Variants in SARDH observed in about 807,000 individuals in gnomAD.
The protein encoded by SARDH is sarcosine dehydrogenase.
In SARDH, 95 loss-of-function variants were observed where a neutral mutation model predicts 109.1. The observed-to-expected ratio is 0.87, with a 90% CI of 0.74 to 1.03. The LOEUF (loss-of-function observed/expected upper bound fraction) is 1.03. Among genes scored for constraint, SARDH ranks in the 50% least tolerant of loss-of-function variants. The probability of loss-of-function intolerance (pLI) is 0.00; values close to 1 mark genes in which losing one functional copy is unlikely to be tolerated. For missense variants in SARDH, 1,267 were observed against 1,287.8 expected (o/e 0.98, Z 0.25); for synonymous variants, 572 against 534.8 (o/e 1.07, Z -0.96).
intron 6 of SARDH, among the ~76,000 whole-genome samples, chr9:133,724,626 T>C (rs528461507): frequency 1.4e-4 from 21 of 152,336 alleles, no homozygotes; most frequent in Non-Finnish European, 2.5e-4. Flanking sequence ...AAATGTTAAA[T>C]AGAGTTACCA....
At position 133,663,945 on chromosome 9, in the gene SARDH, C is replaced by G. The variant is rs775463605; in HGVS notation, c.2701G>C (p.Ala901Pro). 6.2e-7 allele frequency: 1 copy of G among 1,614,048 alleles called. No homozygotes were observed. The highest frequency in any genetic ancestry group is 8.5e-7 in the Non-Finnish European group (1 of 1,180,032). ...ERMGVTYGAQ[A>P]HLKSPFDPNN... is the part of the protein sequence containing the mutation. ...GGGTCGAAGGGCGACTTCAGGTGAG[C>G]CTGGGCACCATAGGTCACCCCCATT... Residue 901 changes from alanine (A) to proline (P), a missense_variant, in exon 21 of 21, where the codon GCT (alanine) becomes CCT (proline). Transcript: ENST00000439388.
rs1034488724 is a variant in SARDH at position 133,693,378 on chromosome 9, G to A, written c.1921+880C>T. On this transcript the variant is annotated intron_variant, in intron 15 of 20. Transcript: ENST00000439388. The surrounding 1 kb of genome is among the most constrained non-coding windows in gnomAD (Gnocchi z 5.6). Reference sequence around the variant, plus strand: ...GGGGCTCGACACTGACCGAGTCCCAGTGAGGAAACAACTACATTTGCCAGC... The same window carrying A: ...GGGGCTCGACACTGACCGAGTCCCAATGAGGAAACAACTACATTTGCCAGC... 6.6e-6 allele frequency among the ~76,000 whole-genome samples: 1 copy of A among 152,162 alleles called. No homozygotes were observed. The highest frequency in any genetic ancestry group is 1.5e-5 in the Non-Finnish European group (1 of 68,028).
chr9:133,685,162 G>A lies in SARDH; in HGVS notation c.2163+31C>T, dbSNP rs201589789. On this transcript the variant is annotated intron_variant, in intron 17 of 20. Coordinates refer to ENST00000439388, the MANE Select transcript of SARDH (RefSeq NM_001134707.2). ...CCCCTCACACCATGCTGCCACCCACGACCCAGAGGACGTGGCCAGCTGGAA... is the reference window on the plus strand; with the variant it reads ...CCCCTCACACCATGCTGCCACCCACAACCCAGAGGACGTGGCCAGCTGGAA... 56 of 1,589,534 alleles carry A rather than the reference G, an allele frequency of 3.5e-5. No homozygotes were observed. The East Asian group carries it at 7.8e-4, about 22-fold the overall frequency.
chr9:133,682,111 G>C lies in SARDH; in HGVS notation c.2163+3082C>G, dbSNP rs1830717821. 2.6e-5 allele frequency among the ~76,000 whole-genome samples: 4 copies of C among 152,302 alleles called. No homozygotes were observed. In the South Asian group the frequency reaches 8.3e-4, roughly 32 times the overall value. On this transcript the variant is annotated intron_variant, in intron 17 of 20. Transcript: ENST00000439388. ...GTGGGCCCAGCTCTACCCTCTCTCA[G>C]ACCAACAGTCAGCATCTACTGGGAG...
intron 13 of SARDH, among the ~76,000 whole-genome samples, chr9:133,701,105 G>A (rs138948128): frequency 1.6e-4 from 25 of 152,374 alleles, no homozygotes; most frequent in South Asian, 4.1e-4. Context: ...CAGCCAGGCT[G>A]TGCAGGGGTG....
chr9:133,732,687 T>C (rs1832731379), intron 2 of SARDH, 86 bp from the exon 3 acceptor site: 1 of 1,431,048 alleles, frequency 7.0e-7, no homozygotes, highest in Non-Finnish European at 9.4e-7. Flanking sequence ...TACCCTGATA[T>C]TCAACCATGG....
At chr9:133,678,552 C>T (rs1160492289) in intron 17 of SARDH, among the ~76,000 whole-genome samples, 1 of 152,236 alleles carries the variant, frequency 6.6e-6, no homozygotes, top group Non-Finnish European at 1.5e-5. Context: ...ATGTTCTCCG[C>T]CTACCTTGTC....
At chr9:133,671,902 G>A (rs1051635878) in intron 17 of SARDH, among the ~76,000 whole-genome samples, 4 of 152,218 alleles carry the variant, frequency 2.6e-5, no homozygotes, top group Non-Finnish European at 5.9e-5. Flanking sequence ...GAGAAGTAGG[G>A]GGTCACCTTT....
chr9:133,729,753 C>A lies in SARDH; in HGVS notation c.915+12G>T. On this transcript the variant is annotated intron_variant, in intron 6 of 20. Transcript: ENST00000439388. ...CCACAGACTGACACAGAACCCGGGG[C>A]TGTCCACCTACCTGAATCCCCTCGA... The A allele has an allele frequency of 1.2e-6, 2 of 1,608,776 alleles. No homozygotes were observed. Among genetic ancestry groups the A allele is most frequent in the Non-Finnish European group, 1.7e-6 (2 of 1,177,308 alleles).
intron 8 of SARDH, among the ~76,000 whole-genome samples, chr9:133,713,786 A>T (rs1258050950): frequency 6.6e-6 from 1 of 152,194 alleles, no homozygotes; most frequent in African/African-American, 2.4e-5. Context: ...GCATTGGGCG[A>T]GTCACTTCGC....
intron 20 of SARDH, among the ~76,000 whole-genome samples, chr9:133,664,270 G>A (rs771814659): frequency 3.9e-5 from 6 of 152,170 alleles, no homozygotes; most frequent in Admixed American, 1.3e-4. Context: ...GACTTCCACC[G>A]GACAACACAC....
chr9:133,734,647 G>A (rs579236), intron 1 of SARDH, among the ~76,000 whole-genome samples: 61,661 of 151,802 alleles, frequency 0.41, 13,778 homozygotes, highest in Middle Eastern at 0.52. Context: ...AGAGTGGGTG[G>A]CGTGGCTGGC....
chr9:133,701,524 C>G (rs1160398780), intron 13 of SARDH, among the ~76,000 whole-genome samples: 1 of 152,264 alleles, frequency 6.6e-6, no homozygotes, highest in Non-Finnish European at 1.5e-5. Flanking sequence ...TGCTTTAGGA[C>G]GGCTTCAGGC....
intron 10 of SARDH, among the ~76,000 whole-genome samples, chr9:133,711,393 C>T (rs1261121335): frequency 6.6e-6 from 1 of 152,236 alleles, no homozygotes; most frequent in Non-Finnish European, 1.5e-5. Flanking sequence ...AAGTCACCTC[C>T]ATTTTGCTGT....
chr9:133,711,629 T>C (rs1456246918), intron 10 of SARDH, among the ~76,000 whole-genome samples: 1 of 152,098 alleles, frequency 6.6e-6, no homozygotes, highest in Non-Finnish European at 1.5e-5. Flanking sequence ...GTGGGCGTAA[T>C]GTCCTCATCA....
At chr9:133,737,548 CCCCACCA>C (rs1564307952) in intron 1 of SARDH, among the ~76,000 whole-genome samples, 7 of 152,254 alleles carry the variant, frequency 4.6e-5, no homozygotes, top group East Asian at 3.9e-4. Flanking sequence ...AACACCCCCA[CCCCACCA>C]CCCACCACCC....
Position 133,712,618 on chromosome 9 carries a change from C to T in SARDH, c.1328+1G>A. 1 of 1,607,596 alleles carries T rather than the reference C, an allele frequency of 6.2e-7. No individual in the cohort carries two copies. Among genetic ancestry groups the T allele is most frequent in the Non-Finnish European group, 8.5e-7 (1 of 1,179,742 alleles). On this transcript the variant is annotated splice_donor_variant, in intron 10 of 20. Coordinates refer to ENST00000439388, the MANE Select transcript of SARDH (RefSeq NM_001134707.2). LOFTEE classifies it high-confidence loss of function. This position sits in a 1 kb window ranked among gnomAD's most constrained non-coding sequence, Gnocchi z 4.1. ...GCCCTTAGGTCCCAATGGGCACTTA[C>T]CTGATGTCATAGCCATGCATGTCCT...
At chr9:133,713,817 G>A (rs569050041) in intron 8 of SARDH, among the ~76,000 whole-genome samples, 17 of 152,208 alleles carry the variant, frequency 1.1e-4, no homozygotes, top group South Asian at 4.1e-4. Flanking sequence ...AAGGCTTAGC[G>A]TCCTAGTCTA....
At chr9:133,664,073 T>A (rs529085566) in intron 20 of SARDH, 59 bp from the exon 21 acceptor site, 1 of 1,579,664 alleles carries the variant, frequency 6.3e-7, no homozygotes, top group African/African-American at 1.4e-5. Flanking sequence ...GGCTCACGTC[T>A]GCCTGCTTCT....
Sources: allele counts gnomAD v4.1 joint callset (sites outside exome capture counted in the v4.1 genomes callset), GRCh38; gene constraint gnomAD v4.1.1; non-coding constraint Gnocchi (gnomAD v3.1); transcripts MANE v1.5; gene names NCBI Gene and HGNC (gene_info 2026-07-23, HGNC 2026-07-21).